Variants in MYOM3 observed in about 807,000 individuals in gnomAD.
The protein encoded by MYOM3 is myomesin 3, also known as myomesin-3.
MYOM3 carries 155 observed loss-of-function variants against 191.7 expected under a neutral mutation model. The observed-to-expected ratio is 0.81, with a 90% CI of 0.71 to 0.92. MYOM3 has a LOEUF of 0.92. MYOM3 is among the 40% of genes least tolerant of loss of function. The pLI, the probability that MYOM3 is intolerant of heterozygous loss-of-function variation, is 0.00. For synonymous variants in MYOM3, 757 were observed against 762.9 expected, an observed-to-expected ratio of 0.99 and a Z score of 0.13; for missense variants, 1,889 against 1,890.6, an observed-to-expected ratio of 1.00 and a Z score of 0.02.
chr1:24,071,487 C>T (rs1035568434), intron 24 of MYOM3, among the ~76,000 whole-genome samples: 2 of 152,196 alleles, frequency 1.3e-5, no homozygotes, highest in Non-Finnish European at 2.9e-5. Context: ...CAGTTCTCAA[C>T]CTGGCAGGGC....
intron 15 of MYOM3, among the ~76,000 whole-genome samples, chr1:24,085,992 T>C (rs1042465216): frequency 6.6e-6 from 1 of 152,176 alleles, no homozygotes; most frequent in Non-Finnish European, 1.5e-5. Context: ...CTGATTGTGA[T>C]GGCAGCTACG....
At position 24,061,048 on chromosome 1, in the gene MYOM3, C is replaced by T. The variant is rs778511069; in HGVS notation, c.3994+12G>A. The stretch of plus-strand genomic sequence containing the variant: ...TCAGAAACAAAAACAACAGAAATAT[C>T]GGCCGACTTACTCTTCTCGATGATG... On this transcript the variant is annotated intron_variant, in intron 35 of 36. Transcript: ENST00000374434. The T allele has an allele frequency of 2.5e-6, 4 of 1,613,916 alleles. No homozygotes were observed. Among genetic ancestry groups the T allele is most frequent in the East Asian group, 2.2e-5 (1 of 44,876 alleles).
At position 24,108,663 on chromosome 1, in the gene MYOM3, G is replaced by T. The variant is rs376476331; in HGVS notation, c.-18-9C>A. 9.2e-6 allele frequency: 14 copies of T among 1,528,514 alleles called. No homozygotes were observed. The South Asian group carries it at 1.6e-4, about 17-fold the overall frequency. The allele number at this position is 1,528,514 out of a possible 1,614,324, so 94.7% of individuals were successfully genotyped here. A position where few individuals can be genotyped will look rare whatever the true frequency, so the allele number is the denominator to read the frequency against. On this transcript the variant is annotated splice_polypyrimidine_tract_variant and intron_variant, in intron 1 of 36. Transcript: ENST00000374434. ...GTTACGAGAGCAACAACCTGTGAAG[G>T]CCAAGGTCCACGGTCATTCCACCAG...
rs1191194773 is a variant in MYOM3, at chr1:24,086,675, G to A, written c.1767C>T (p.Pro589=). 2 of 1,614,062 alleles carry A rather than the reference G, an allele frequency of 1.2e-6. No individual in the cohort carries two copies. Among genetic ancestry groups the A allele is most frequent in the Non-Finnish European group, 1.7e-6 (2 of 1,179,986 alleles). ...NQYGLSDPSE[P]SEPIALRGPP... is the part of the protein sequence containing the mutation. The stretch of plus-strand genomic sequence containing the variant: ...GGCCCCGCAAGGCGATGGGTTCGCT[G>A]GGCTCCGAGGGATCGCTCAGGCCAT... Residue 589 remains proline, a synonymous_variant, in exon 15 of 37, where the codon CCC becomes CCT. Transcript: ENST00000374434.
Position 24,108,653 on chromosome 1 carries a change from AC to A in MYOM3, c.-18del, listed in dbSNP as rs768303073. ...CAGAGTCATGGTTACGAGAGCAACA[AC>A]CTGTGAAGGCCAAGGTCCACGGTCA... On this transcript the variant is annotated splice_region_variant and 5_prime_UTR_variant, in exon 2 of 37. Coordinates refer to ENST00000374434, the MANE Select transcript of MYOM3 (RefSeq NM_152372.4). 1 of 1,536,372 alleles carries A rather than the reference AC, an allele frequency of 6.5e-7. No homozygotes were observed. Among genetic ancestry groups the A allele is most frequent in the Non-Finnish European group, 8.7e-7 (1 of 1,143,740 alleles).
At chr1:24,072,818 A>G (rs1002156549) in intron 23 of MYOM3, among the ~76,000 whole-genome samples, 1 of 152,190 alleles carries the variant, frequency 6.6e-6, no homozygotes, top group Non-Finnish European at 1.5e-5. Flanking sequence ...TATAGGCGTG[A>G]GCCACTGTGC....
At chr1:24,060,935 G>T in intron 35 of MYOM3, 125 bp downstream of exon 35, 2 of 1,054,482 alleles carry the variant, frequency 1.9e-6, no homozygotes, top group Non-Finnish European at 1.4e-6. Flanking sequence ...AGCTCTGTAA[G>T]ACCCTAGAGC....
rs757824389 is a variant in MYOM3 at position 24,061,207 on chromosome 1, A to G, written c.3971+66T>C. 1.9e-6 allele frequency: 3 copies of G among 1,607,568 alleles called. No individual in the cohort carries two copies. In the African/African-American group the frequency reaches 4.0e-5, roughly 22 times the overall value. On this transcript the variant is annotated intron_variant, in intron 34 of 36. Coordinates refer to ENST00000374434, the MANE Select transcript of MYOM3 (RefSeq NM_152372.4). The stretch of plus-strand genomic sequence containing the variant: ...CTGGGGCTCCCAGGAAGGAGTCCTG[A>G]GCCTAGTTTATGCCACACCCTGAAG...
chr1:24,080,239 C>G, intron 19 of MYOM3, 45 bp from the exon 20 acceptor site: 3 of 1,502,272 alleles, frequency 2.0e-6, no homozygotes, highest in Non-Finnish European at 2.7e-6. Context: ...GTTGGGCAGC[C>G]AGGCAGCCAG....
At chr1:24,100,682 C>T (rs796286379) in intron 5 of MYOM3, among the ~76,000 whole-genome samples, 36 of 152,200 alleles carry the variant, frequency 2.4e-4, no homozygotes, top group Non-Finnish European at 3.2e-4. Context: ...GTCAGGAGCT[C>T]GAGACTATCC....
At position 24,067,060 on chromosome 1, in the gene MYOM3, C is replaced by G. The variant is rs1413443457; in HGVS notation, c.3384G>C (p.Trp1128Cys). ...QGPYFERPLQWKVTEDCQVQL... is the reference protein window; with the variant it reads ...QGPYFERPLQCKVTEDCQVQL... Reference sequence around the variant, plus strand: ...GCACTTGGCAGTCCTCCGTGACCTTCCACTGCAACGGCCGCTCAAAATAGG... The same window carrying G: ...GCACTTGGCAGTCCTCCGTGACCTTGCACTGCAACGGCCGCTCAAAATAGG... Residue 1128 changes from tryptophan (W) to cysteine (C), a missense_variant, in exon 28 of 37, where the codon TGG becomes TGC. Trp to Cys is a radical substitution (Grantham distance 215). Coordinates refer to ENST00000374434, the MANE Select transcript of MYOM3 (RefSeq NM_152372.4). 2 of 1,579,536 alleles carry G rather than the reference C, an allele frequency of 1.3e-6. No individual in the cohort carries two copies. The highest frequency in any genetic ancestry group is 1.7e-6 in the Non-Finnish European group (2 of 1,160,640).
Position 24,107,988 on chromosome 1 carries a change from C to T in MYOM3, c.242+5G>A. On this transcript the variant is annotated splice_donor_5th_base_variant and intron_variant, in intron 3 of 36. Transcript: ENST00000374434. ...ACGGCTCCCTGGGAAGCTTCTCTGA[C>T]TCACCAAGACAGCTCGGAGGAGGCC... The T allele has an allele frequency of 6.2e-7, 1 of 1,611,148 alleles. No homozygotes were observed. Among genetic ancestry groups the T allele is most frequent in the Non-Finnish European group, 8.5e-7 (1 of 1,178,662 alleles).
At chr1:24,070,206 A>G (rs1643508482) in intron 25 of MYOM3, among the ~76,000 whole-genome samples, 1 of 152,202 alleles carries the variant, frequency 6.6e-6, no homozygotes, top group African/African-American at 2.4e-5. Flanking sequence ...TTTATAATGA[A>G]TCGGTTTGAC....
At chr1:24,077,811 G>C (rs937555818) in intron 20 of MYOM3, among the ~76,000 whole-genome samples, 5 of 152,216 alleles carry the variant, frequency 3.3e-5, no homozygotes, top group African/African-American at 1.2e-4. Context: ...GATCACCTAG[G>C]CTGTCCCGCC....
In MYOM3 at chr1:24,093,051, G is replaced by T. The variant is rs758860093; in HGVS notation, c.986C>A (p.Ser329Tyr). The change falls in exon 10 of 37, where the codon TCC (serine) becomes TAC (tyrosine). Residue 329 changes from serine to tyrosine, a missense_variant. Physicochemically the swap from Ser to Tyr is moderately radical, Grantham distance 144. Transcript: ENST00000374434. ...RKILYTDRQASLKVSCTYKED... is the reference protein window; with the variant it reads ...RKILYTDRQAYLKVSCTYKED... ...CTTGTAGGTGCAGGACACCTTCAGG[G>T]ATGCCTGGCGGTCTGTGTAGAGGAT... The T allele has an allele frequency of 3.5e-5, 56 of 1,613,052 alleles. No homozygotes were observed. The highest frequency in any genetic ancestry group is 1.8e-4 in the Admixed American group (11 of 59,982).
chr1:24,062,877 C>T (rs1643387164), intron 32 of MYOM3, among the ~76,000 whole-genome samples: 1 of 152,192 alleles, frequency 6.6e-6, no homozygotes, highest in African/African-American at 2.4e-5. Flanking sequence ...GCCAAGGTTC[C>T]CACCTTCCCT....
chr1:24,071,415 T>A (rs1163428011), intron 24 of MYOM3, among the ~76,000 whole-genome samples, 162 bp from the exon 25 acceptor site: 1 of 152,226 alleles, frequency 6.6e-6, no homozygotes, highest in African/African-American at 2.4e-5. Context: ...GTTTTCCGAA[T>A]GCCCACTCTA....
Position 24,086,677 on chromosome 1 carries a change from G to T in MYOM3, c.1765C>A (p.Pro589Thr). ...CCCCGCAAGGCGATGGGTTCGCTGGGCTCCGAGGGATCGCTCAGGCCATAC... is the reference window on the plus strand; with the variant it reads ...CCCCGCAAGGCGATGGGTTCGCTGGTCTCCGAGGGATCGCTCAGGCCATAC... Reference protein sequence around the residue: ...NQYGLSDPSEPSEPIALRGPP... With the variant: ...NQYGLSDPSETSEPIALRGPP... Residue 589 changes from proline to threonine, a missense_variant, in exon 15 of 37, where the codon CCC becomes ACC. Transcript: ENST00000374434. 3 of 1,614,118 alleles carry T rather than the reference G, an allele frequency of 1.9e-6. No individual in the cohort carries two copies. The highest frequency in any genetic ancestry group is 2.2e-5 in the East Asian group (1 of 44,864).
chr1:24,080,429 C>T (rs1643653049), intron 19 of MYOM3, among the ~76,000 whole-genome samples: 1 of 152,188 alleles, frequency 6.6e-6, no homozygotes, highest in Non-Finnish European at 1.5e-5. Context: ...AGCCTCCCCT[C>T]CTCCCGGTAG....
Sources: allele counts gnomAD v4.1 joint callset (sites outside exome capture counted in the v4.1 genomes callset), GRCh38; gene constraint gnomAD v4.1.1; transcripts MANE v1.5; gene names NCBI Gene and HGNC (gene_info 2026-07-23, HGNC 2026-07-21).